ING3: variants seen among roughly 807,000 people sequenced by gnomAD.
ING3 encodes inhibitor of growth family member 3, also known as inhibitor of growth protein 3.
Under a neutral mutation model 64.8 loss-of-function variants are expected in ING3, and 6 were observed. The ratio of observed to expected loss-of-function variants is 0.09; its 90% CI spans 0.05 to 0.18. ING3 has a LOEUF of 0.18. ING3 is among the 10% of genes least tolerant of loss of function. The probability of loss-of-function intolerance (pLI) is 1.00; values close to 1 mark genes in which losing one functional copy is unlikely to be tolerated. For missense variants in ING3, 310 were observed against 489.7 expected (o/e 0.63, Z 3.46); for synonymous variants, 170 against 173.7 (o/e 0.98, Z 0.17).
At position 120,975,680 on chromosome 7, in the gene ING3, TTAA is replaced by T. The variant is rs947137160; in HGVS notation, c.*841_*843del. On this transcript the variant is annotated 3_prime_UTR_variant, in exon 12 of 12. Coordinates refer to ENST00000315870, the MANE Select transcript of ING3 (RefSeq NM_019071.3). ...TTACTTGTATTTATACTTTACATAC[TTAA>T]TAATGAAAATTTCTGAATTCCAATT... 7.9e-5 allele frequency: 12 copies of T among 152,200 alleles called. No individual in the cohort carries two copies. Among genetic ancestry groups the T allele is most frequent in the Non-Finnish European group, 1.6e-4 (11 of 68,030 alleles). 9.4% of individuals were successfully genotyped at this position (152,200 alleles called of 1,614,324 possible).
At position 120,953,381 on chromosome 7, in the gene ING3, G is replaced by A. The variant is rs768225061; in HGVS notation, c.178G>A (p.Glu60Lys). Residue 60 changes from glutamate (E) to lysine (K), a missense_variant, in exon 3 of 12, where the codon GAG becomes AAG. This residue lies in a region of ING3 where 53 missense variants were observed against 116.2 expected (regional missense o/e 0.46). Transcript: ENST00000315870. ...AKKNKPEWRE[E>K]QMASIKKDYY... ...GAAAAATAAACCTGAGTGGAGGGAA[G>A]AGCAAATGGCATCCATCAAAAAAGT... The A allele has an allele frequency of 2.5e-6, 4 of 1,603,876 alleles. No homozygotes were observed. The highest frequency in any genetic ancestry group is 2.3e-5 in the East Asian group (1 of 44,424).
rs1584994382 is a variant in ING3 at position 120,969,146 on chromosome 7, A to G, written c.850A>G (p.Thr284Ala). 6.2e-7 allele frequency: 1 copy of G among 1,613,948 alleles called. No individual in the cohort carries two copies. The highest frequency in any genetic ancestry group is 8.5e-7 in the Non-Finnish European group (1 of 1,179,918). The change falls in exon 9 of 12, where the codon ACA becomes GCA. Residue 284 changes from threonine (T) to alanine (A), a missense_variant. Around this residue, in one of 3 missense-constraint regions of ING3, gnomAD observed 233 missense variants for 289.4 expected, o/e 0.81. Coordinates refer to ENST00000315870, the MANE Select transcript of ING3 (RefSeq NM_019071.3). ...TTCATCATCTTCGGCACTTATGACA[A>G]CATTAACACAGAATGCCAGTTCATC... ...GYSSSSALMT[T>A]LTQNASSSAA...
chr7:120,968,094 A>G lies in ING3; in HGVS notation c.714+3A>G. 1 of 1,612,898 alleles carries G rather than the reference A, an allele frequency of 6.2e-7. No homozygotes were observed. The highest frequency in any genetic ancestry group is 8.5e-7 in the Non-Finnish European group (1 of 1,179,578). ...AAGCAGTTCAGGCTACAGCTCAGGT[A>G]AAAAGTAAAGGGTTTAGAGACAAAA... On this transcript the variant is annotated splice_donor_region_variant and intron_variant, in intron 8 of 11. Transcript: ENST00000315870.
At position 120,974,949 on chromosome 7, in the gene ING3, C is replaced by A; in HGVS notation, c.*105C>A. ...GAAGAAACAATGCATTTCCAGGCAACCACTTAAAGGATTTACATAGACAAT... is the reference window on the plus strand; with the variant it reads ...GAAGAAACAATGCATTTCCAGGCAAACACTTAAAGGATTTACATAGACAAT... On this transcript the variant is annotated 3_prime_UTR_variant, in exon 12 of 12. Transcript: ENST00000315870. 1 of 704,180 alleles carries A rather than the reference C, an allele frequency of 1.4e-6. No individual in the cohort carries two copies. Among genetic ancestry groups the A allele is most frequent in the Non-Finnish European group, 2.3e-6 (1 of 429,448 alleles). 43.6% of individuals were successfully genotyped at this position (704,180 alleles called of 1,614,324 possible). A position where few individuals can be genotyped will look rare whatever the true frequency, so the allele number is the denominator to read the frequency against.
intron 4 of ING3, 36 bp from the exon 5 acceptor site, chr7:120,964,706 A>G (rs1426890442): frequency 3.2e-6 from 5 of 1,576,898 alleles, no homozygotes; most frequent in African/African-American, 1.3e-5. Context: ...CAGTGTCCCA[A>G]ATTTTGGTGG....
intron 3 of ING3, among the ~76,000 whole-genome samples, chr7:120,953,700 A>G (rs1795801962): frequency 6.6e-6 from 1 of 152,170 alleles, no homozygotes; most frequent in African/African-American, 2.4e-5. Flanking sequence ...AGAGTACTGT[A>G]TTCCAGTTTT....
chr7:120,971,200 C>G (rs1048987316), intron 10 of ING3, among the ~76,000 whole-genome samples: 40 of 152,176 alleles, frequency 2.6e-4, no homozygotes, highest in Admixed American at 2.0e-4. Context: ...AATTTTCTCA[C>G]AGGTATGAAG....
rs759986916 is a variant in ING3, at chr7:120,975,774, G to T, written c.*930G>T. The T allele has an allele frequency of 3.9e-5, 6 of 152,138 alleles. No individual in the cohort carries two copies. Among genetic ancestry groups the T allele is most frequent in the Non-Finnish European group, 8.8e-5 (6 of 68,024 alleles). 9.4% of individuals were successfully genotyped at this position (152,138 alleles called of 1,614,324 possible). ...GGACACAGAATACTGTGTAATCTGT[G>T]ATGTCTTTAATGATGTTTAGAGTTT... On this transcript the variant is annotated 3_prime_UTR_variant, in exon 12 of 12. Coordinates refer to ENST00000315870, the MANE Select transcript of ING3 (RefSeq NM_019071.3).
At chr7:120,957,659 C>T (rs1795869469) in intron 4 of ING3, among the ~76,000 whole-genome samples, 1 of 152,056 alleles carries the variant, frequency 6.6e-6, no homozygotes, top group Non-Finnish European at 1.5e-5. Flanking sequence ...AAGCATTTCA[C>T]TCAGAGATAA....
chr7:120,958,927 T>G (rs1413913617), intron 4 of ING3, among the ~76,000 whole-genome samples: 1 of 152,236 alleles, frequency 6.6e-6, no homozygotes, highest in Non-Finnish European at 1.5e-5. Context: ...GGGTTCTATT[T>G]ACTAATCCTC....
At chr7:120,957,904 GC>G (rs1372584812) in intron 4 of ING3, among the ~76,000 whole-genome samples, 1 of 152,168 alleles carries the variant, frequency 6.6e-6, no homozygotes, top group Non-Finnish European at 1.5e-5. Context: ...ACAGTTTCCT[GC>G]TGTAAAAAAG....
chr7:120,971,251 T>C (rs1325105866), intron 10 of ING3, among the ~76,000 whole-genome samples: 1 of 152,216 alleles, frequency 6.6e-6, no homozygotes, highest in East Asian at 1.9e-4. Flanking sequence ...GACTCAGTTC[T>C]GGAGGAGGGC....
rs1795745056 is a variant in ING3, at chr7:120,950,784, C to G, written c.-113C>G. On this transcript the variant is annotated 5_prime_UTR_variant, in exon 1 of 12. Coordinates refer to ENST00000315870, the MANE Select transcript of ING3 (RefSeq NM_019071.3). ...TTTCTTTTTTTTTTTTTGCCGGAGT[C>G]GAGCGGGTGCTGCTAGCGGAGGCGC... 3.0e-5 allele frequency: 13 copies of G among 427,644 alleles called. No individual in the cohort carries two copies. Among genetic ancestry groups the G allele is most frequent in the East Asian group, 5.7e-5 (1 of 17,692 alleles). 26.5% of individuals were successfully genotyped at this position (427,644 alleles called of 1,614,324 possible).
chr7:120,954,544 GA>G (rs963358855), intron 3 of ING3, among the ~76,000 whole-genome samples: 2,029 of 146,894 alleles, frequency 0.014, 42 homozygotes, highest in African/African-American at 0.047. Context: ...TTTCTCTTAG[GA>G]AAAAAAAAAA....
chr7:120,963,244 A>G (rs1276122970), intron 4 of ING3, among the ~76,000 whole-genome samples: 2 of 152,152 alleles, frequency 1.3e-5, no homozygotes, highest in African/African-American at 4.8e-5. Flanking sequence ...TATCCATAAT[A>G]TGTGATGTTA....
At chr7:120,956,907 C>A in intron 4 of ING3, 1 of 652,366 alleles carries the variant, frequency 1.5e-6, no homozygotes, top group Non-Finnish European at 1.9e-6. Context: ...TGTTTTATTG[C>A]TTGTTAGACC....
intron 2 of ING3, among the ~76,000 whole-genome samples, chr7:120,953,056 C>T (rs989727050): frequency 1.3e-5 from 2 of 152,086 alleles, no homozygotes; most frequent in Admixed American, 1.3e-4. Flanking sequence ...AGCCTATCTA[C>T]TTTGGCTGTT....
chr7:120,971,596 T>C (rs1352275068), intron 10 of ING3, among the ~76,000 whole-genome samples: 1 of 152,166 alleles, frequency 6.6e-6, no homozygotes. Flanking sequence ...CTAAATCAGG[T>C]ATACCGAACA....
intron 5 of ING3, among the ~76,000 whole-genome samples, chr7:120,966,108 G>C (rs1372749339): frequency 6.6e-6 from 1 of 152,054 alleles, no homozygotes; most frequent in Non-Finnish European, 1.5e-5. Flanking sequence ...TTTAAAGCTT[G>C]GTGTTAGAGA....
Sources: allele counts gnomAD v4.1 joint callset (sites outside exome capture counted in the v4.1 genomes callset), GRCh38; gene constraint gnomAD v4.1.1; regional missense constraint gnomAD v4.1.1; transcripts MANE v1.5; gene names NCBI Gene and HGNC (gene_info 2026-07-23, HGNC 2026-07-21).